CRACR2A: variants seen among roughly 807,000 people sequenced by gnomAD.
CRACR2A encodes the protein EF-hand calcium-binding domain-containing protein 4B.
CRACR2A carries 79 observed loss-of-function variants against 90.5 expected under a neutral mutation model. The ratio of observed to expected loss-of-function variants is 0.87; its 90% CI spans 0.73 to 1.05. The LOEUF (loss-of-function observed/expected upper bound fraction) is 1.05. Ranked by LOEUF, CRACR2A falls within the 50% of genes least tolerant of loss-of-function variation. The pLI is 0.00. For synonymous variants in CRACR2A, 338 were observed against 356.7 expected (o/e 0.95, Z 0.59); for missense variants, 823 against 897.2 (o/e 0.92, Z 1.06).
At chr12:3,648,007 CTGTT>C in intron 11 of CRACR2A, 1 of 985,812 alleles carries the variant, frequency 1.0e-6, no homozygotes, top group Non-Finnish European at 1.2e-6. Flanking sequence ...TCTTGGTGCT[CTGTT>C]TGTGATTCAT....
At chr12:3,743,337 A>G (rs1013893656) in intron 1 of CRACR2A, among the ~76,000 whole-genome samples, 1 of 152,220 alleles carries the variant, frequency 6.6e-6, no homozygotes, top group Admixed American at 6.5e-5. Context: ...GAAGTACTAT[A>G]TCAGACTTTT....
intron 12 of CRACR2A, among the ~76,000 whole-genome samples, chr12:3,642,697 C>T (rs1005292046): frequency 6.6e-6 from 1 of 152,172 alleles, no homozygotes; most frequent in Non-Finnish European, 1.5e-5. Flanking sequence ...TAGTTCAGCT[C>T]TTTGGTGGAA....
At chr12:3,722,172 A>G (rs972173217) in intron 2 of CRACR2A, among the ~76,000 whole-genome samples, 3 of 152,200 alleles carry the variant, frequency 2.0e-5, no homozygotes, top group African/African-American at 7.2e-5. Flanking sequence ...AGCACATAAC[A>G]GGAGTCAACA....
chr12:3,735,635 G>A (rs1478706232), intron 1 of CRACR2A, among the ~76,000 whole-genome samples: 1 of 152,180 alleles, frequency 6.6e-6, no homozygotes, highest in African/African-American at 2.4e-5. Context: ...GAGGCATGGA[G>A]AGGTTAAGTG....
intron 2 of CRACR2A, chr12:3,731,606 G>A (rs7972545): frequency 0.27 from 41,191 of 152,124 alleles, 6,143 homozygotes; most frequent in East Asian, 0.39. Flanking sequence ...CTGTGAATGA[G>A]CTCACTTAGT....
chr12:3,733,970 C>T (rs1187334685), intron 1 of CRACR2A, among the ~76,000 whole-genome samples: 4 of 55,612 alleles, frequency 7.2e-5, no homozygotes, highest in Non-Finnish European at 9.2e-5. Flanking sequence ...CACATTTTGC[C>T]TTATTTTTTT....
At chr12:3,640,601 T>G in intron 13 of CRACR2A, 1 of 1,299,504 alleles carries the variant, frequency 7.7e-7, no homozygotes, top group South Asian at 1.2e-5. Flanking sequence ...ATCTCATTAT[T>G]CAGCTATTTA....
At position 3,692,824 on chromosome 12, in the gene CRACR2A, G is replaced by A. The variant is rs555371336; in HGVS notation, c.228+3948C>T. Among the ~76,000 whole-genome samples, 18 of 152,276 alleles carry A rather than the reference G, an allele frequency of 1.2e-4. No individual in the cohort carries two copies. In the East Asian group the frequency reaches 3.5e-3, roughly 29 times the overall value. On this transcript the variant is annotated intron_variant, in intron 4 of 19. Transcript: ENST00000440314. ...TTGTGCTGGTGGTGGTGGTAGCATG[G>A]GGGTGAGGCACTGGCTAGTGCAAGT... is the stretch of plus-strand genomic sequence containing the variant.
intron 2 of CRACR2A, chr12:3,727,197 G>T (rs371016979): frequency 6.8e-6 from 1 of 147,926 alleles, no homozygotes; most frequent in Non-Finnish European, 1.5e-5. Flanking sequence ...CATCCTTATA[G>T]TATGGGCGGT....
chr12:3,625,228 C>G (rs1176029674), intron 17 of CRACR2A, among the ~76,000 whole-genome samples: 1 of 152,140 alleles, frequency 6.6e-6, no homozygotes. Flanking sequence ...TTCCGTGGGC[C>G]TCTTAGCAGC....
Position 3,633,753 on chromosome 12 carries a change from A to T in CRACR2A, c.1603-17T>A. 1.9e-6 allele frequency: 3 copies of T among 1,551,428 alleles called. No homozygotes were observed. Among genetic ancestry groups the T allele is most frequent in the Non-Finnish European group, 2.6e-6 (3 of 1,146,940 alleles). On this transcript the variant is annotated splice_polypyrimidine_tract_variant and intron_variant, in intron 14 of 19. Coordinates refer to ENST00000440314, the MANE Select transcript of CRACR2A (RefSeq NM_001144958.2). This position sits in a 1 kb window ranked among gnomAD's most constrained non-coding sequence, Gnocchi z 4.5. Reference sequence around the variant, plus strand: ...GCTTTCCTCCTGTGGATGGCACACAATCTGACCAACTGCAGGGAATAGTCT... The same window carrying T: ...GCTTTCCTCCTGTGGATGGCACACATTCTGACCAACTGCAGGGAATAGTCT...
intron 1 of CRACR2A, among the ~76,000 whole-genome samples, chr12:3,743,886 G>T (rs1946569088): frequency 6.6e-6 from 1 of 152,308 alleles, no homozygotes; most frequent in South Asian, 2.1e-4. Flanking sequence ...GTAATGACGA[G>T]CAATAGGAAA....
intron 7 of CRACR2A, among the ~76,000 whole-genome samples, chr12:3,668,852 A>G (rs1022638442): frequency 6.6e-6 from 1 of 152,204 alleles, no homozygotes; most frequent in African/African-American, 2.4e-5. Context: ...GTGAGCTCCT[A>G]AGAAAGTGCC....
chr12:3,625,757 C>T (rs143077101), intron 17 of CRACR2A, among the ~76,000 whole-genome samples: 29 of 151,674 alleles, frequency 1.9e-4, no homozygotes, highest in East Asian at 5.8e-4. Context: ...CTTCCCTTGC[C>T]GCTCCCCAAT....
At chr12:3,635,460 C>G (rs768271405) in intron 14 of CRACR2A, among the ~76,000 whole-genome samples, 15 of 152,070 alleles carry the variant, frequency 9.9e-5, no homozygotes, top group Non-Finnish European at 2.1e-4. Context: ...GAAATTAATT[C>G]TTCATAGTCT....
chr12:3,639,366 G>C (rs546068422), intron 13 of CRACR2A, among the ~76,000 whole-genome samples: 1 of 151,828 alleles, frequency 6.6e-6, no homozygotes, highest in Non-Finnish European at 1.5e-5. Flanking sequence ...TCAATGCAGG[G>C]TCTGTATTTT....
intron 4 of CRACR2A, among the ~76,000 whole-genome samples, chr12:3,694,680 T>C (rs1258901656): frequency 6.6e-6 from 1 of 152,188 alleles, no homozygotes; most frequent in Non-Finnish European, 1.5e-5. Context: ...TTCTTCTTCA[T>C]GCATCTCCCC....
At chr12:3,648,519 C>A in intron 11 of CRACR2A, 23 bp downstream of exon 11, 1 of 1,614,148 alleles carries the variant, frequency 6.2e-7, no homozygotes, top group Non-Finnish European at 8.5e-7. Flanking sequence ...GCTCTCAGCA[C>A]AGGCCAGTGC....
rs1867666629 is a variant in CRACR2A, at chr12:3,615,692, C to A, written c.2112-253G>T. On this transcript the variant is annotated intron_variant, in intron 19 of 19. Coordinates refer to ENST00000440314, the MANE Select transcript of CRACR2A (RefSeq NM_001144958.2). Reference sequence around the variant, plus strand: ...CTCCTCCAGGAAGCCTCTCCTGATCCTCTAGGTAAGCCTAAGTGCCCCTGA... The same window carrying A: ...CTCCTCCAGGAAGCCTCTCCTGATCATCTAGGTAAGCCTAAGTGCCCCTGA... Among the ~76,000 whole-genome samples, 4 of 152,310 alleles carry A rather than the reference C, an allele frequency of 2.6e-5. No homozygotes were observed. The South Asian group carries it at 8.3e-4, about 32-fold the overall frequency.
Sources: allele counts gnomAD v4.1 joint callset (sites outside exome capture counted in the v4.1 genomes callset), GRCh38; gene constraint gnomAD v4.1.1; non-coding constraint Gnocchi (gnomAD v3.1); transcripts MANE v1.5; gene names NCBI Gene and HGNC (gene_info 2026-07-23, HGNC 2026-07-21).